The following MALRD1 variants were observed in gnomAD, a reference collection of about 807,000 sequenced individuals.
MALRD1 encodes MAM and LDL receptor class A domain containing 1, also known as MAM and LDL-receptor class A domain-containing protein 1.
Under a neutral mutation model 242.1 loss-of-function variants are expected in MALRD1, and 247 were observed. The ratio of observed to expected loss-of-function variants is 1.02; its 90% CI spans 0.92 to 1.13. The LOEUF (loss-of-function observed/expected upper bound fraction) is 1.13. Ranked by LOEUF, MALRD1 falls within the 50% of genes most tolerant of loss-of-function variation. MALRD1 has a pLI of 0.00. For missense variants in MALRD1, 2,989 were observed against 2,533.1 expected (o/e 1.18, Z -3.86); for synonymous variants, 995 against 866.6 (o/e 1.15, Z -2.60).
intron 18 of MALRD1, among the ~76,000 whole-genome samples, chr10:19,255,678 G>C (rs982243965): frequency 6.6e-6 from 1 of 151,956 alleles, no homozygotes; most frequent in Non-Finnish European, 1.5e-5. Context: ...AACATTTAGA[G>C]GTTAGCAAAT....
intron 23 of MALRD1, among the ~76,000 whole-genome samples, chr10:19,328,876 G>A (rs1424913567): frequency 6.6e-6 from 1 of 152,108 alleles, no homozygotes; most frequent in Non-Finnish European, 1.5e-5. Flanking sequence ...AGCCTCTCAG[G>A]TCTTTAAACT....
Position 19,340,346 on chromosome 10 carries a change from C to CTTT in MALRD1, c.3902-7415_3902-7413dup, listed in dbSNP as rs35265559. ...GACTGTAGTCAATTTGATGTGCTAA[C>CTTT]TTTTTTTTTTTTGTACCCATTAACA... On this transcript the variant is annotated intron_variant, in intron 24 of 39. Coordinates refer to ENST00000454679, the MANE Select transcript of MALRD1 (RefSeq NM_001142308.3). Among the ~76,000 whole-genome samples the CTTT allele has an allele frequency of 7.4e-4, 110 of 148,124 alleles. 1 individual carries two copies. Among genetic ancestry groups the CTTT allele is most frequent in the African/African-American group, 2.6e-3 (107 of 40,434 alleles).
At chr10:19,594,498 CA>C in intron 33 of MALRD1, among the ~76,000 whole-genome samples, 1 of 152,096 alleles carries the variant, frequency 6.6e-6, no homozygotes, top group South Asian at 2.1e-4. Context: ...ATCTACCCCA[CA>C]AAAAAGTTAT....
At chr10:19,447,031 C>A (rs527285792) in intron 28 of MALRD1, among the ~76,000 whole-genome samples, 7 of 145,610 alleles carry the variant, frequency 4.8e-5, no homozygotes, top group Admixed American at 3.6e-4. Context: ...TAAAAAGTTT[C>A]TCTGTTAGGA....
intron 31 of MALRD1, among the ~76,000 whole-genome samples, chr10:19,512,491 C>T (rs1049373013): frequency 1.2e-4 from 18 of 152,134 alleles, no homozygotes; most frequent in Non-Finnish European, 2.2e-4. Context: ...TGATGATTTG[C>T]CCAGTGAAAT....
intron 29 of MALRD1, among the ~76,000 whole-genome samples, chr10:19,463,414 T>C (rs1010839016): frequency 2.6e-5 from 4 of 151,278 alleles, no homozygotes; most frequent in Non-Finnish European, 5.9e-5. Context: ...CCTCATAGCT[T>C]AGCTCCCACT....
At chr10:19,177,005 G>C (rs924157008) in intron 14 of MALRD1, among the ~76,000 whole-genome samples, 1 of 151,948 alleles carries the variant, frequency 6.6e-6, no homozygotes, top group Non-Finnish European at 1.5e-5. Flanking sequence ...GGCCAGGCAC[G>C]GTGGCTCACA....
chr10:19,172,840 TCA>T (rs1377384703), intron 13 of MALRD1, among the ~76,000 whole-genome samples: 2 of 151,880 alleles, frequency 1.3e-5, no homozygotes, highest in African/African-American at 4.8e-5. Context: ...TCCAAAAAAA[TCA>T]CAGTCACTTA....
intron 8 of MALRD1, among the ~76,000 whole-genome samples, chr10:19,130,721 T>C (rs1237367836): frequency 6.6e-6 from 1 of 152,146 alleles, no homozygotes; most frequent in South Asian, 2.1e-4. Flanking sequence ...TAATTATGAA[T>C]GTATGTATTT....
chr10:19,131,086 A>G (rs1371311345), intron 8 of MALRD1, among the ~76,000 whole-genome samples: 1 of 152,094 alleles, frequency 6.6e-6, no homozygotes, highest in Non-Finnish European at 1.5e-5. Flanking sequence ...TATCCTCTAT[A>G]CATATGTTGC....
At chr10:19,633,697 G>C (rs1436996780) in intron 36 of MALRD1, 1 of 151,920 alleles carries the variant, frequency 6.6e-6, no homozygotes, top group Non-Finnish European at 1.5e-5. Context: ...TACAGCACAC[G>C]GTATTCCCAG....
chr10:19,624,910 A>G (rs1327377739), intron 36 of MALRD1, among the ~76,000 whole-genome samples: 1 of 148,202 alleles, frequency 6.7e-6, no homozygotes, highest in Non-Finnish European at 1.5e-5. Context: ...GATCGGGAAC[A>G]TTTAGATGAG....
chr10:19,181,786 G>A (rs75406398), intron 14 of MALRD1, among the ~76,000 whole-genome samples: 12,405 of 152,138 alleles, frequency 0.082, 591 homozygotes, highest in Non-Finnish European at 0.11. Context: ...TTGCCTCACT[G>A]TAATAACCAT....
At chr10:19,278,835 G>A (rs1564524281) in intron 19 of MALRD1, among the ~76,000 whole-genome samples, 1 of 151,982 alleles carries the variant, frequency 6.6e-6, no homozygotes, top group Non-Finnish European at 1.5e-5. Flanking sequence ...GATATAATAA[G>A]CAAATGATAT....
At chr10:19,297,759 C>T (rs554478105) in intron 21 of MALRD1, among the ~76,000 whole-genome samples, 16 of 150,730 alleles carry the variant, frequency 1.1e-4, no homozygotes, top group African/African-American at 3.9e-4. Flanking sequence ...TCATTTAAAA[C>T]AAAGTAAGGA....
At chr10:19,084,301 G>A (rs552393238) in intron 2 of MALRD1, among the ~76,000 whole-genome samples, 10 of 151,886 alleles carry the variant, frequency 6.6e-5, no homozygotes, top group African/African-American at 1.7e-4. Context: ...TCTATTATCC[G>A]AACTAAACTA....
chr10:19,087,570 A>G (rs1362100502), intron 2 of MALRD1, among the ~76,000 whole-genome samples: 1 of 149,888 alleles, frequency 6.7e-6, no homozygotes, highest in Non-Finnish European at 1.5e-5. Flanking sequence ...TAAGTTTTGT[A>G]GGTACACAGT....
At chr10:19,663,321 C>G (rs1376088520) in intron 36 of MALRD1, among the ~76,000 whole-genome samples, 1 of 152,118 alleles carries the variant, frequency 6.6e-6, no homozygotes, top group African/African-American at 2.4e-5. Flanking sequence ...ATAATGGCCT[C>G]CAGGTTCATC....
intron 28 of MALRD1, among the ~76,000 whole-genome samples, chr10:19,447,372 A>G (rs1023545170): frequency 6.6e-6 from 1 of 152,204 alleles, no homozygotes; most frequent in Admixed American, 6.5e-5. Context: ...AACAACAGCT[A>G]GTATAGTAGA....
Sources: gnomAD v4.1 joint callset for allele counts (sites outside exome capture counted in the v4.1 genomes callset) on GRCh38, gnomAD v4.1.1 for gene constraint, MANE v1.5 for transcripts, NCBI Gene and HGNC (gene_info 2026-07-23, HGNC 2026-07-21) for gene names.